Variants in ZBTB7C observed in about 807,000 individuals in gnomAD.
ZBTB7C encodes the protein zinc finger and BTB domain-containing protein 7C.
In ZBTB7C, 8 loss-of-function variants were observed where a neutral mutation model predicts 25.7. That is an observed-to-expected ratio of 0.31 (90% CI 0.18 to 0.56). ZBTB7C has a LOEUF of 0.56. Among genes scored for constraint, ZBTB7C ranks in the 20% least tolerant of loss-of-function variants. The probability of loss-of-function intolerance (pLI) is 0.91; values close to 1 mark genes in which losing one functional copy is unlikely to be tolerated. For missense variants in ZBTB7C, 824 were observed against 855.2 expected (o/e 0.96, Z 0.46); for synonymous variants, 394 against 369.0 (o/e 1.07, Z -0.78).
At chr18:48,141,143 A>ACCCCCCCCCCCCC (rs201273460) in intron 3 of ZBTB7C, among the ~76,000 whole-genome samples, 11 of 96,044 alleles carry the variant, frequency 1.1e-4, no homozygotes, top group Non-Finnish European at 1.7e-4. Context: ...TCCCCCCCGC[A>ACCCCCCCCCCCCC]CCACCCCCCC....
intron 2 of ZBTB7C, among the ~76,000 whole-genome samples, chr18:48,233,167 T>A (rs2043296549): frequency 6.6e-6 from 1 of 152,196 alleles, no homozygotes; most frequent in Non-Finnish European, 1.5e-5. Context: ...ACGAACAGAC[T>A]AATGCCATGA....
At chr18:48,265,886 T>C (rs140263246) in intron 2 of ZBTB7C, among the ~76,000 whole-genome samples, 238 of 152,302 alleles carry the variant, frequency 1.6e-3, no homozygotes, top group South Asian at 5.2e-3. Flanking sequence ...AACGACATCA[T>C]TGAGACACTT....
At chr18:48,224,394 G>T (rs1048615514) in intron 2 of ZBTB7C, among the ~76,000 whole-genome samples, 4 of 152,176 alleles carry the variant, frequency 2.6e-5, no homozygotes, top group African/African-American at 9.7e-5. Context: ...TGAGCACAAG[G>T]AGCAGAGGAA....
intron 3 of ZBTB7C, among the ~76,000 whole-genome samples, chr18:48,095,718 T>TAAATAAAATA (rs74172091): frequency 0.32 from 42,380 of 132,664 alleles, 6,340 homozygotes; most frequent in East Asian, 0.42. Flanking sequence ...TCTCAAAAAA[T>TAAATAAAATA]AAATAAAATA....
intron 3 of ZBTB7C, among the ~76,000 whole-genome samples, chr18:48,059,354 G>A (rs1021285688): frequency 2.0e-5 from 3 of 152,086 alleles, no homozygotes; most frequent in Non-Finnish European, 4.4e-5. Context: ...GCAAACAGAA[G>A]GCGGGGGTTA....
chr18:48,127,700 G>A (rs148697383), intron 3 of ZBTB7C, among the ~76,000 whole-genome samples: 2 of 152,312 alleles, frequency 1.3e-5, no homozygotes, highest in East Asian at 1.9e-4. Context: ...GGGGTTGGCC[G>A]ACGCTCAGCT....
chr18:48,378,170 T>C (rs957448349), intron 1 of ZBTB7C, among the ~76,000 whole-genome samples: 3 of 152,252 alleles, frequency 2.0e-5, no homozygotes, highest in Middle Eastern at 3.4e-3. Context: ...AGCAGTCTGC[T>C]TAGGAAAGTT....
chr18:48,247,379 A>G (rs2043724238), intron 2 of ZBTB7C, among the ~76,000 whole-genome samples: 2 of 152,232 alleles, frequency 1.3e-5, no homozygotes, highest in Non-Finnish European at 2.9e-5. Context: ...AGAGACAAAA[A>G]TATCTCCTGT....
chr18:48,368,083 T>C (rs1291299042), intron 1 of ZBTB7C, among the ~76,000 whole-genome samples: 1 of 150,358 alleles, frequency 6.7e-6, no homozygotes, highest in African/African-American at 2.4e-5. Flanking sequence ...ACCAGGGAGA[T>C]CCCAAACTGA....
intron 2 of ZBTB7C, among the ~76,000 whole-genome samples, chr18:48,193,115 T>C (rs991713397): frequency 3.9e-5 from 6 of 152,182 alleles, no homozygotes; most frequent in African/African-American, 1.4e-4. Context: ...AGTGCAACCA[T>C]GTCTGGCCAA....
intron 2 of ZBTB7C, among the ~76,000 whole-genome samples, chr18:48,297,276 C>T (rs1436228898): frequency 1.3e-5 from 2 of 152,170 alleles, no homozygotes; most frequent in African/African-American, 4.8e-5. Context: ...TGGTGACTTA[C>T]ATAACAAACA....
Position 48,029,612 on chromosome 18 carries a change from G to T in ZBTB7C, c.1508C>A (p.Ala503Glu). The T allele has an allele frequency of 6.7e-7, 1 of 1,488,138 alleles. No homozygotes were observed. The highest frequency in any genetic ancestry group is 8.8e-7 in the Non-Finnish European group (1 of 1,129,966). 92.2% of individuals were successfully genotyped at this position (1,488,138 alleles called of 1,614,324 possible). ...FGPGGPAPDK[A>E]AFVMPPALGE... ...CAGCGCAGGGGGCATCACGAAGGCC[G>T]CCTTGTCGGGGGCCGGGCCGCCGGG... The change falls in exon 5 of 5, where the codon GCG becomes GAG. Residue 503 changes from alanine to glutamate, a missense_variant. Around this residue, in one of 4 missense-constraint regions of ZBTB7C, gnomAD observed 342 missense variants for 307.0 expected, o/e 1.11. Coordinates refer to ENST00000590800, the MANE Select transcript of ZBTB7C (RefSeq NM_001318841.2).
At chr18:48,337,118 C>T (rs2046474577) in intron 2 of ZBTB7C, among the ~76,000 whole-genome samples, 1 of 152,202 alleles carries the variant, frequency 6.6e-6, no homozygotes. Context: ...AGAACAAGGC[C>T]ACCCAGAAGT....
intron 2 of ZBTB7C, among the ~76,000 whole-genome samples, chr18:48,278,964 T>A (rs1263889522): frequency 6.6e-6 from 1 of 151,500 alleles, no homozygotes; most frequent in Non-Finnish European, 1.5e-5. Flanking sequence ...TTTTAATTCA[T>A]CAATTGGAGA....
chr18:48,291,511 G>A (rs1367956049), intron 2 of ZBTB7C, among the ~76,000 whole-genome samples: 5 of 152,116 alleles, frequency 3.3e-5, no homozygotes, highest in African/African-American at 4.8e-5. Context: ...TGAGAGCCAC[G>A]CTCTTGAAAC....
chr18:48,372,324 A>C (rs1214975098), intron 1 of ZBTB7C, among the ~76,000 whole-genome samples: 1 of 152,176 alleles, frequency 6.6e-6, no homozygotes, highest in Non-Finnish European at 1.5e-5. Flanking sequence ...CTAAAATCTA[A>C]AGTCAGTGCT....
chr18:48,284,275 C>G (rs2044964155), intron 2 of ZBTB7C, among the ~76,000 whole-genome samples: 1 of 152,110 alleles, frequency 6.6e-6, no homozygotes, highest in Non-Finnish European at 1.5e-5. Flanking sequence ...GATCTTGTCT[C>G]TACAAAAATA....
chr18:48,354,250 C>T (rs1280275175), intron 1 of ZBTB7C, among the ~76,000 whole-genome samples: 1 of 152,132 alleles, frequency 6.6e-6, no homozygotes, highest in African/African-American at 2.4e-5. Context: ...GCCTCAAACT[C>T]CTGGGCTCAA....
intron 2 of ZBTB7C, among the ~76,000 whole-genome samples, chr18:48,233,857 A>AAATGCATTTATGAGATTTC (rs1241125415): frequency 2.0e-5 from 3 of 152,106 alleles, no homozygotes; most frequent in Admixed American, 2.0e-4. Context: ...GAAATTCTAG[A>AAATGCATTTATGAGATTTC]AATGCATTTA....
Sources: allele counts gnomAD v4.1 joint callset (sites outside exome capture counted in the v4.1 genomes callset), GRCh38; gene constraint gnomAD v4.1.1; regional missense constraint gnomAD v4.1.1; transcripts MANE v1.5; gene names NCBI Gene and HGNC (gene_info 2026-07-23, HGNC 2026-07-21).